Variants in TSNARE1 observed in about 807,000 individuals in gnomAD.
TSNARE1 encodes t-SNARE domain-containing protein 1.
Under a neutral mutation model 62.0 loss-of-function variants are expected in TSNARE1, and 49 were observed. The observed-to-expected ratio is 0.79, with a 90% CI of 0.63 to 1.00. TSNARE1 has a LOEUF of 1.00. TSNARE1 is among the 50% of genes least tolerant of loss of function. TSNARE1 has a pLI of 0.00. For synonymous variants in TSNARE1, 328 were observed against 294.4 expected, an observed-to-expected ratio of 1.11 and a Z score of -1.17; for missense variants, 755 against 700.1, an observed-to-expected ratio of 1.08 and a Z score of -0.88.
chr8:142,237,074 GC>G (rs1482878548), intron 12 of TSNARE1, among the ~76,000 whole-genome samples: 4 of 70 alleles, frequency 0.057, no homozygotes, highest in East Asian at 0.25. Flanking sequence ...TTCCAGAACG[GC>G]GGGGTGGGCG....
At chr8:142,339,952 GA>G (rs1832311950) in intron 4 of TSNARE1, among the ~76,000 whole-genome samples, 1 of 152,258 alleles carries the variant, frequency 6.6e-6, no homozygotes, top group African/African-American at 2.4e-5. Flanking sequence ...AGAGGACTGA[GA>G]GGGCTAGAGG....
chr8:142,293,474 G>A (rs951889687), intron 10 of TSNARE1, among the ~76,000 whole-genome samples: 2 of 152,242 alleles, frequency 1.3e-5, no homozygotes, highest in Non-Finnish European at 2.9e-5. Context: ...GCCAGCAGAG[G>A]CTGGTGTCAT....
At chr8:142,394,074 G>T (rs540552970) in intron 1 of TSNARE1, among the ~76,000 whole-genome samples, 3 of 152,240 alleles carry the variant, frequency 2.0e-5, no homozygotes, top group African/African-American at 7.2e-5. Context: ...CTGGCTGCCC[G>T]TCTTCACTCC....
intron 12 of TSNARE1, chr8:142,269,786 G>A: frequency 1.0e-6 from 1 of 985,466 alleles, no homozygotes; most frequent in Non-Finnish European, 1.2e-6. Flanking sequence ...ACCAACAGCA[G>A]CACCATGCGC....
intron 1 of TSNARE1, among the ~76,000 whole-genome samples, chr8:142,389,480 G>A (rs572292577): frequency 6.6e-6 from 1 of 152,308 alleles, no homozygotes; most frequent in East Asian, 1.9e-4. Context: ...CATTTATCCT[G>A]CACATATATC....
At chr8:142,272,002 G>A (rs1231386887) in intron 12 of TSNARE1, among the ~76,000 whole-genome samples, 8 of 151,790 alleles carry the variant, frequency 5.3e-5, no homozygotes, top group Non-Finnish European at 8.8e-5. Flanking sequence ...TGCTCCATCC[G>A]CTCGTCCGCC....
chr8:142,243,382 T>C (rs940366705), intron 12 of TSNARE1, among the ~76,000 whole-genome samples: 2 of 152,146 alleles, frequency 1.3e-5, no homozygotes, highest in African/African-American at 2.4e-5. Context: ...ATAAAGAAAG[T>C]GTGGTACATA....
intron 12 of TSNARE1, chr8:142,269,998 C>T (rs1331111641): frequency 2.0e-6 from 2 of 985,438 alleles, no homozygotes; most frequent in South Asian, 4.7e-5. Context: ...AGAGCTTCCC[C>T]GGAAGCTCCT....
At chr8:142,252,479 C>T (rs1818222654) in intron 12 of TSNARE1, among the ~76,000 whole-genome samples, 1 of 152,212 alleles carries the variant, frequency 6.6e-6, no homozygotes, top group Non-Finnish European at 1.5e-5. Flanking sequence ...CTGCCGGCGA[C>T]AGTGGTCAGG....
chr8:142,314,828 GCA>G (rs1828271442), intron 8 of TSNARE1, among the ~76,000 whole-genome samples, 173 bp downstream of exon 8: 1 of 152,208 alleles, frequency 6.6e-6, no homozygotes, highest in Non-Finnish European at 1.5e-5. Flanking sequence ...ATGCCCTGAG[GCA>G]CAGTCTGGAT....
At chr8:142,308,294 G>A (rs1011044727) in intron 9 of TSNARE1, among the ~76,000 whole-genome samples, 1 of 152,122 alleles carries the variant, frequency 6.6e-6, no homozygotes, top group African/African-American at 2.4e-5. Context: ...TGAAGGCGTC[G>A]GGGAGCCTCC....
At chr8:142,349,030 T>A (rs982750975) in intron 2 of TSNARE1, among the ~76,000 whole-genome samples, 1 of 152,144 alleles carries the variant, frequency 6.6e-6, no homozygotes, top group African/African-American at 2.4e-5. Context: ...CTTGCCCAGC[T>A]CTGAGGGTCC....
At chr8:142,398,454 G>A (rs116862384) in intron 1 of TSNARE1, among the ~76,000 whole-genome samples, 5,708 of 150,956 alleles carry the variant, frequency 0.038, 174 homozygotes, top group South Asian at 0.059. Context: ...CACAACCCCA[G>A]CAGAGTCAGC....
chr8:142,321,711 T>A (rs1035449044), intron 6 of TSNARE1, among the ~76,000 whole-genome samples: 1 of 152,014 alleles, frequency 6.6e-6, no homozygotes. Flanking sequence ...TAAGATGAAA[T>A]AGAAAAATTC....
intron 12 of TSNARE1, among the ~76,000 whole-genome samples, chr8:142,265,216 C>A (rs986930108): frequency 6.6e-6 from 1 of 152,148 alleles, no homozygotes; most frequent in Non-Finnish European, 1.5e-5. Context: ...CCCACCACCA[C>A]AAGGCTCTCC....
chr8:142,291,691 T>G lies in TSNARE1; in HGVS notation c.1291-7206A>C, dbSNP rs1823779714. On this transcript the variant is annotated intron_variant, in intron 10 of 13. Transcript: ENST00000524325. This position sits in a 1 kb window ranked among gnomAD's most constrained non-coding sequence, Gnocchi z 4.8. Reference sequence around the variant, plus strand: ...CGCTCGAGTGGCGAGAGATGAATCCTAACGAGAACCCAACAGTGTGTGGGG... The same window carrying G: ...CGCTCGAGTGGCGAGAGATGAATCCGAACGAGAACCCAACAGTGTGTGGGG... 6.6e-6 allele frequency among the ~76,000 whole-genome samples: 1 copy of G among 152,166 alleles called. No homozygotes were observed. Among genetic ancestry groups the G allele is most frequent in the South Asian group, 2.1e-4 (1 of 4,828 alleles).
At chr8:142,278,658 C>T in intron 11 of TSNARE1, 7 of 985,468 alleles carry the variant, frequency 7.1e-6, no homozygotes, top group Non-Finnish European at 8.4e-6. Flanking sequence ...CCAGTGGCAG[C>T]TGCGGGCTGC....
chr8:142,232,880 G>A (rs894013193), intron 12 of TSNARE1, among the ~76,000 whole-genome samples: 4 of 152,194 alleles, frequency 2.6e-5, no homozygotes, highest in South Asian at 2.1e-4. Context: ...CCCAACTTCC[G>A]CATCAGCTGC....
At chr8:142,308,507 C>T (rs1038807438) in intron 9 of TSNARE1, among the ~76,000 whole-genome samples, 1 of 152,190 alleles carries the variant, frequency 6.6e-6, no homozygotes, top group African/African-American at 2.4e-5. Flanking sequence ...ACAAACCCAG[C>T]CGCCACGTAC....
Sources: gnomAD v4.1 joint callset for allele counts (sites outside exome capture counted in the v4.1 genomes callset) on GRCh38, gnomAD v4.1.1 for gene constraint, Gnocchi (gnomAD v3.1) non-coding constraint, MANE v1.5 for transcripts, NCBI Gene and HGNC (gene_info 2026-07-23, HGNC 2026-07-21) for gene names.